Variants in VAV3 observed in about 807,000 individuals in gnomAD.
The protein encoded by VAV3 is guanine nucleotide exchange factor VAV3.
A neutral mutation model predicts 131.2 loss-of-function variants in VAV3; 94 were observed. The ratio of observed to expected loss-of-function variants is 0.72; its 90% confidence interval spans 0.61 to 0.85. VAV3 has a LOEUF of 0.85. Among genes scored for constraint, VAV3 ranks in the 40% least tolerant of loss-of-function variants. VAV3 has a pLI of 0.00. For missense variants in VAV3, 939 were observed against 1,002.7 expected (o/e 0.94, Z 0.86); for synonymous variants, 349 against 342.0 (o/e 1.02, Z -0.22).
chr1:107,601,429 T>C (rs1570591282), intron 24 of VAV3, among the ~76,000 whole-genome samples: 1 of 152,200 alleles, frequency 6.6e-6, no homozygotes, highest in African/African-American at 2.4e-5. Context: ...GCCTATTTTG[T>C]AAGGCTCCCT....
rs113400269 is a variant in VAV3, at chr1:107,957,347, G to A, written c.204+7319C>T. Among the ~76,000 whole-genome samples the A allele has an allele frequency of 2.0e-3, 310 of 152,166 alleles. 1 individual carries two copies. Among genetic ancestry groups the A allele is most frequent in the African/African-American group, 7.1e-3 (296 of 41,508 alleles). On this transcript the variant is annotated intron_variant, in intron 1 of 26. Coordinates refer to ENST00000370056, the MANE Select transcript of VAV3 (RefSeq NM_006113.5). ...CCTTATCTTCTGTTGAATGACTTCAGTACCAGTCCTGCTCACGCCTAGTTT... is the reference window on the plus strand; with the variant it reads ...CCTTATCTTCTGTTGAATGACTTCAATACCAGTCCTGCTCACGCCTAGTTT...
At chr1:107,735,454 C>A (rs151192116) in intron 15 of VAV3, among the ~76,000 whole-genome samples, 4 of 151,886 alleles carry the variant, frequency 2.6e-5, no homozygotes, top group South Asian at 4.1e-4. Flanking sequence ...ATAGATAGAC[C>A]GCTAGCAAGA....
At chr1:107,655,307 A>T (rs1188941339) in intron 19 of VAV3, among the ~76,000 whole-genome samples, 1 of 152,138 alleles carries the variant, frequency 6.6e-6, no homozygotes. Flanking sequence ...AGAAACTCAG[A>T]TATAAATCCA....
At chr1:107,925,879 TATAA>T (rs1388896574) in intron 1 of VAV3, among the ~76,000 whole-genome samples, 3 of 122,964 alleles carry the variant, frequency 2.4e-5, no homozygotes, top group Admixed American at 9.7e-5. Context: ...ATATGTCACA[TATAA>T]ATATATAACA....
chr1:107,884,306 T>C (rs192221921), intron 1 of VAV3, among the ~76,000 whole-genome samples: 30 of 151,678 alleles, frequency 2.0e-4, no homozygotes, highest in African/African-American at 7.0e-4. Flanking sequence ...TAATTTTCCA[T>C]AATGTGATTA....
chr1:107,693,683 T>C (rs930537228), intron 17 of VAV3, among the ~76,000 whole-genome samples: 1 of 152,160 alleles, frequency 6.6e-6, no homozygotes, highest in African/African-American at 2.4e-5. Flanking sequence ...CTGGTTGAAA[T>C]AGTCCTATTA....
In VAV3 at chr1:107,926,759, G is replaced by T. The variant is rs190192829; in HGVS notation, c.204+37907C>A. Among the ~76,000 whole-genome samples, 255 of 152,260 alleles carry T rather than the reference G, an allele frequency of 1.7e-3. 1 individual carries two copies. The highest frequency in any genetic ancestry group is 5.9e-3 in the African/African-American group (245 of 41,544). ...TGAAGGGAGTATTTAAACCAGCCCT[G>T]GCCAGAGGGGAATTTTCCATCTCAG... On this transcript the variant is annotated intron_variant, in intron 1 of 26. Transcript: ENST00000370056.
chr1:107,876,796 A>G (rs535852877), intron 1 of VAV3, among the ~76,000 whole-genome samples: 5 of 152,336 alleles, frequency 3.3e-5, no homozygotes, highest in African/African-American at 7.2e-5. Context: ...GCATTTTATT[A>G]TATGTAAGTT....
chr1:107,688,661 T>C, intron 17 of VAV3: 2 of 877,416 alleles, frequency 2.3e-6, no homozygotes, highest in Non-Finnish European at 3.2e-6. Flanking sequence ...TTCCATTGTT[T>C]ATTAAGCAAT....
chr1:107,702,338 C>T (rs1660184235), intron 17 of VAV3, among the ~76,000 whole-genome samples: 1 of 152,170 alleles, frequency 6.6e-6, no homozygotes, highest in Admixed American at 6.5e-5. Flanking sequence ...TGCCTGGCCC[C>T]TCCCTTGACA....
chr1:107,940,995 GA>G (rs5776908), intron 1 of VAV3, among the ~76,000 whole-genome samples: 135,184 of 149,142 alleles, frequency 0.91, 61,686 homozygotes, highest in Non-Finnish European at 0.96. Flanking sequence ...TAGCACAATT[GA>G]AAAAAAAAAA....
intron 2 of VAV3, among the ~76,000 whole-genome samples, chr1:107,871,340 C>A (rs1268811903): frequency 6.6e-6 from 1 of 150,448 alleles, no homozygotes; most frequent in Non-Finnish European, 1.5e-5. Flanking sequence ...CCCCCCCTCT[C>A]CCCCCACCAG....
At chr1:107,850,129 A>G (rs1669152803) in intron 2 of VAV3, among the ~76,000 whole-genome samples, 1 of 152,222 alleles carries the variant, frequency 6.6e-6, no homozygotes, top group South Asian at 2.1e-4. Flanking sequence ...GTGGGAGTGT[A>G]AATTAGGTTC....
chr1:107,950,090 C>T (rs345277), intron 1 of VAV3, among the ~76,000 whole-genome samples: 105,919 of 151,754 alleles, frequency 0.7, 38,277 homozygotes, highest in Middle Eastern at 0.89. Context: ...TCATCGATAA[C>T]GCTCTCCAAG....
At chr1:107,873,754 C>G (rs1162048985) in intron 2 of VAV3, among the ~76,000 whole-genome samples, 3 of 152,132 alleles carry the variant, frequency 2.0e-5, no homozygotes, top group Non-Finnish European at 4.4e-5. Context: ...CTTATCCCCC[C>G]TTCCTTTTGT....
intron 1 of VAV3, among the ~76,000 whole-genome samples, chr1:107,901,348 C>CA (rs1037274066): frequency 1.3e-5 from 2 of 152,048 alleles, no homozygotes; most frequent in Admixed American, 6.5e-5. Flanking sequence ...AAATTTTCAC[C>CA]AAAAAAATCA....
Position 107,631,089 on chromosome 1 carries a change from C to T in VAV3, c.1914+11530G>A, listed in dbSNP as rs187054187. 2.7e-3 allele frequency among the ~76,000 whole-genome samples: 411 copies of T among 152,140 alleles called. 3 individuals are homozygous for T. The highest frequency in any genetic ancestry group is 9.4e-3 in the African/African-American group (392 of 41,544). On this transcript the variant is annotated intron_variant, in intron 20 of 26. Coordinates refer to ENST00000370056, the MANE Select transcript of VAV3 (RefSeq NM_006113.5). The stretch of plus-strand genomic sequence containing the variant: ...TTAGCAAGTGATTTTTTAAATCATA[C>T]ACTAATTTGTCAAAAAGGTACCCCT...
intron 15 of VAV3, among the ~76,000 whole-genome samples, chr1:107,717,083 T>C (rs1661146022): frequency 6.6e-6 from 1 of 152,226 alleles, no homozygotes; most frequent in Non-Finnish European, 1.5e-5. Flanking sequence ...TCGATGGTGA[T>C]ATCCCCTTTA....
chr1:107,768,325 A>G (rs1179299713), intron 7 of VAV3, 116 bp downstream of exon 7: 1 of 688,606 alleles, frequency 1.5e-6, no homozygotes. Context: ...TAAATAAATA[A>G]GGCCAATATT....
Sources: gnomAD v4.1 joint callset for allele counts (sites outside exome capture counted in the v4.1 genomes callset) on GRCh38, gnomAD v4.1.1 for gene constraint, MANE v1.5 for transcripts, NCBI Gene and HGNC (gene_info 2026-07-23, HGNC 2026-07-21) for gene names.